TAB3: variants seen among roughly 807,000 people sequenced by gnomAD.
TAB3 encodes the protein TGF-beta activated kinase 1 (MAP3K7) binding protein 3, also known as TGF-beta-activated kinase 1 and MAP3K7-binding protein 3.
TAB3 carries 18 observed loss-of-function variants against 48.1 expected under a neutral mutation model. The ratio of observed to expected loss-of-function variants is 0.37; its 90% CI spans 0.26 to 0.55. The LOEUF (loss-of-function observed/expected upper bound fraction) is 0.55. TAB3 is among the 20% of genes least tolerant of loss of function. The pLI, the probability that TAB3 is intolerant of heterozygous loss-of-function variation, is 0.78. For missense variants in TAB3, 414 were observed against 549.8 expected, an observed-to-expected ratio of 0.75 and a Z score of 2.47; for synonymous variants, 185 against 190.2, an observed-to-expected ratio of 0.97 and a Z score of 0.22.
intron 5 of TAB3, among the ~76,000 whole-genome samples, chrX:30,856,511 T>C (rs1163958947): frequency 8.9e-6 from 1 of 112,200 alleles, no homozygotes; most frequent in Non-Finnish European, 1.9e-5. Flanking sequence ...TTCCAAACTA[T>C]TTTACTAGTG....
intron 1 of TAB3, among the ~76,000 whole-genome samples, chrX:30,887,163 A>C (rs182521664): frequency 8.5e-4 from 96 of 112,406 alleles, no homozygotes; most frequent in Non-Finnish European, 4.7e-4. Flanking sequence ...GCCATGTAAT[A>C]ATGTAATTTG....
At chrX:30,878,596 T>C (rs952795499) in intron 1 of TAB3, among the ~76,000 whole-genome samples, 9 of 110,456 alleles carry the variant, frequency 8.1e-5, no homozygotes, top group African/African-American at 3.3e-5. Context: ...AGAGATACGA[T>C]ACAATTACCA....
At chrX:30,877,027 G>A (rs977513594) in intron 1 of TAB3, among the ~76,000 whole-genome samples, 4 of 111,742 alleles carry the variant, frequency 3.6e-5, no homozygotes, top group Non-Finnish European at 7.5e-5. Flanking sequence ...CAAACCACAT[G>A]TGTAACAATC....
rs1004345672 is a variant in TAB3, at chrX:30,867,104, C to G, written c.-91+11G>C. ...TGACACATCCCAATTGAGTGATAGT[C>G]TACAAAATACCTGATCAGTACTCCT... On this transcript the variant is annotated intron_variant, in intron 4 of 10. Coordinates refer to ENST00000288422, the MANE Select transcript of TAB3 (RefSeq NM_152787.5). 1.8e-5 allele frequency: 2 copies of G among 110,892 alleles called. No individual in the cohort carries two copies. The highest frequency in any genetic ancestry group is 3.8e-5 in the Non-Finnish European group (2 of 52,956). 9.1% of individuals were successfully genotyped at this position (110,892 alleles called of 1,213,427 possible). A position where few individuals can be genotyped will look rare whatever the true frequency, so the allele number is the denominator to read the frequency against.
chrX:30,841,250 G>A (rs998548781), intron 9 of TAB3, among the ~76,000 whole-genome samples: 4 of 111,207 alleles, frequency 3.6e-5, no homozygotes, highest in African/African-American at 1.3e-4. Flanking sequence ...GTGAAACGCC[G>A]TCTCTACTAA....
chrX:30,838,256 G>A (rs1055266878), intron 9 of TAB3, among the ~76,000 whole-genome samples: 3 of 110,532 alleles, frequency 2.7e-5, no homozygotes, highest in Admixed American at 9.6e-5. Context: ...GCTGCAATGA[G>A]CTATTTTTAA....
rs58473340 is a variant in TAB3, at chrX:30,859,684, TAAA to T, written c.-90-9_-90-7del. 86,394 of 447,479 alleles carry T rather than the reference TAAA, an allele frequency of 0.19. 4,743 individuals carry two copies. Among genetic ancestry groups the T allele is most frequent in the Admixed American group, 0.32 (7,029 of 22,021 alleles). 36.9% of individuals were successfully genotyped at this position (447,479 alleles called of 1,213,427 possible). A position where few individuals can be genotyped will look rare whatever the true frequency, so the allele number is the denominator to read the frequency against. On this transcript the variant is annotated splice_polypyrimidine_tract_variant and splice_region_variant and intron_variant, in intron 4 of 10. Coordinates refer to ENST00000288422, the MANE Select transcript of TAB3 (RefSeq NM_152787.5). ...TCTAGCACCACAGTCATTTTCTATT[TAAA>T]AAAAAAAAAAAAGTATGGTTAAGTC...
intron 1 of TAB3, among the ~76,000 whole-genome samples, chrX:30,875,060 T>C (rs1939785670): frequency 9.0e-6 from 1 of 111,382 alleles, no homozygotes; most frequent in Admixed American, 9.5e-5. Context: ...GAGGATGAGA[T>C]ATGAAGGAGT....
Position 30,855,203 on chromosome X carries a change from T to C in TAB3, c.462A>G (p.Ser154=). ...TGGAAGATGGCTGTTGAGGTGGTTG[T>C]GAAGGAGGAGTAGCTGCACTTCTGT... ...EQNRSAATPP[S]QPPQQPSSMQ... Residue 154 remains serine, a synonymous_variant, in exon 6 of 11, where the codon TCA becomes TCG. Transcript: ENST00000288422. The C allele has an allele frequency of 2.5e-6, 3 of 1,211,804 alleles. No individual in the cohort carries two copies. The highest frequency in any genetic ancestry group is 3.4e-6 in the Non-Finnish European group (3 of 895,522).
intron 8 of TAB3, 35 bp downstream of exon 8, chrX:30,846,516 A>G: frequency 9.6e-7 from 1 of 1,042,417 alleles, no homozygotes; most frequent in Non-Finnish European, 1.3e-6. Flanking sequence ...ATACCACACT[A>G]TTACTTATGG....
chrX:30,863,984 C>A (rs1442962548), intron 4 of TAB3, among the ~76,000 whole-genome samples: 1 of 112,231 alleles, frequency 8.9e-6, no homozygotes, highest in African/African-American at 3.2e-5. Context: ...TAGGCAACAA[C>A]TACTAAGCAA....
intron 9 of TAB3, 53 bp downstream of exon 9, chrX:30,842,913 C>A: frequency 1.2e-6 from 1 of 805,998 alleles, no homozygotes; most frequent in Non-Finnish European, 1.8e-6. Flanking sequence ...TGTGAAATCC[C>A]AAATTATTTT....
chrX:30,854,637 T>G lies in TAB3; in HGVS notation c.1028A>C (p.Gln343Pro). Residue 343 changes from glutamine (Q) to proline (P), a missense_variant, in exon 6 of 11, where the codon CAG (glutamine) becomes CCG (proline). Transcript: ENST00000288422. ...AAGATAGGCTACTGAATGGCTTCCC[T>G]GTTTCTGATAGCTAGGAGGTCCTTG... Reference protein sequence around the residue: ...YQQGPPSYQKQGSHSVAYLPY... With the variant: ...YQQGPPSYQKPGSHSVAYLPY... 8.3e-7 allele frequency: 1 copy of G among 1,211,573 alleles called. No homozygotes were observed. Among genetic ancestry groups the G allele is most frequent in the Non-Finnish European group, 1.1e-6 (1 of 895,203 alleles).
chrX:30,843,590 T>C (rs1404867713), intron 8 of TAB3: 1 of 112,197 alleles, frequency 8.9e-6, no homozygotes. Context: ...AAATGTGAAA[T>C]AACATCAGCA....
intron 9 of TAB3, among the ~76,000 whole-genome samples, chrX:30,840,065 A>G (rs1421562528): frequency 9.2e-6 from 1 of 108,617 alleles, no homozygotes; most frequent in Non-Finnish European, 1.9e-5. Flanking sequence ...CTTACTGCAT[A>G]AAGATGTCCA....
intron 1 of TAB3, among the ~76,000 whole-genome samples, chrX:30,888,320 C>G (rs1476709773): frequency 3.6e-5 from 4 of 112,526 alleles, no homozygotes; most frequent in African/African-American, 1.3e-4. Flanking sequence ...ATCGAACTGA[C>G]AAGCCCGGTC....
intron 5 of TAB3, among the ~76,000 whole-genome samples, chrX:30,858,739 A>G (rs1601822481): frequency 8.9e-6 from 1 of 111,834 alleles, no homozygotes; most frequent in African/African-American, 3.2e-5. Flanking sequence ...ACAAGGGGAC[A>G]GTGGGACAGG....
chrX:30,839,718 GGAAAT>G (rs778677097), intron 9 of TAB3, among the ~76,000 whole-genome samples: 5 of 109,425 alleles, frequency 4.6e-5, no homozygotes, highest in Admixed American at 9.9e-5. Context: ...AACATGAAAA[GGAAAT>G]GAAATGAAAA....
chrX:30,873,524 C>CAAA (rs61644834), intron 1 of TAB3, among the ~76,000 whole-genome samples: 6 of 50,633 alleles, frequency 1.2e-4, no homozygotes, highest in African/African-American at 2.8e-4. Flanking sequence ...GACTCCGTCT[C>CAAA]AAAAAAAAAA....
Sources: allele counts gnomAD v4.1 joint callset (sites outside exome capture counted in the v4.1 genomes callset), GRCh38; gene constraint gnomAD v4.1.1; transcripts MANE v1.5; gene names NCBI Gene and HGNC (gene_info 2026-07-23, HGNC 2026-07-21).